NXPH2: variants seen among roughly 807,000 people sequenced by gnomAD.
NXPH2 encodes neurexophilin-2.
Under a neutral mutation model 19.8 loss-of-function variants are expected in NXPH2, and 5 were observed. The ratio of observed to expected loss-of-function variants is 0.25; its 90% CI spans 0.13 to 0.53. The LOEUF (loss-of-function observed/expected upper bound fraction) is 0.53, where lower values mean the gene tolerates loss of function less well. Among genes scored for constraint, NXPH2 ranks in the 20% least tolerant of loss-of-function variants. NXPH2 has a pLI of 0.96. For synonymous variants in NXPH2, 154 were observed against 127.4 expected (o/e 1.21, Z -1.41); for missense variants, 289 against 322.8 (o/e 0.90, Z 0.80).
At chr2:138,727,681 T>C (rs1452479032) in intron 1 of NXPH2, among the ~76,000 whole-genome samples, 1 of 143,600 alleles carries the variant, frequency 7.0e-6, no homozygotes, top group East Asian at 2.3e-4. Context: ...CGGGGGGGGT[T>C]CTTTTGCAAA....
chr2:138,750,593 A>G (rs892597142), intron 1 of NXPH2, among the ~76,000 whole-genome samples: 17 of 152,234 alleles, frequency 1.1e-4, no homozygotes, highest in African/African-American at 3.9e-4. Context: ...GTGCTGCTAC[A>G]GCCCAGGAAC....
At chr2:138,743,268 G>T (rs1681673320) in intron 1 of NXPH2, among the ~76,000 whole-genome samples, 1 of 149,916 alleles carries the variant, frequency 6.7e-6, no homozygotes, top group Admixed American at 6.7e-5. Flanking sequence ...TAAAAAAAAA[G>T]ACTGAAATTA....
intron 1 of NXPH2, among the ~76,000 whole-genome samples, chr2:138,698,954 G>A (rs1043579284): frequency 3.9e-5 from 6 of 152,126 alleles, no homozygotes; most frequent in Admixed American, 3.3e-4. Context: ...TTTGATGCCC[G>A]GAGAGTAAAT....
At chr2:138,674,136 C>G (rs1310506242) in intron 1 of NXPH2, among the ~76,000 whole-genome samples, 1 of 151,846 alleles carries the variant, frequency 6.6e-6, no homozygotes, top group African/African-American at 2.4e-5. Context: ...CACTACCATG[C>G]CTGGCTAATT....
intron 1 of NXPH2, among the ~76,000 whole-genome samples, chr2:138,710,492 T>C (rs1488248528): frequency 6.6e-6 from 1 of 152,164 alleles, no homozygotes; most frequent in African/African-American, 2.4e-5. Context: ...CCAAACTTTT[T>C]TTCAGCAACT....
At chr2:138,727,823 A>T (rs1275200449) in intron 1 of NXPH2, among the ~76,000 whole-genome samples, 1 of 152,150 alleles carries the variant, frequency 6.6e-6, no homozygotes, top group Non-Finnish European at 1.5e-5. Flanking sequence ...ATATGAGCCC[A>T]CTTTATTAAC....
intron 1 of NXPH2, among the ~76,000 whole-genome samples, chr2:138,774,931 A>T (rs554433831): frequency 6.6e-6 from 1 of 152,354 alleles, no homozygotes; most frequent in African/African-American, 2.4e-5. Context: ...GAATGTGATA[A>T]TTGTGTGAAA....
At chr2:138,680,117 A>C (rs1027284908) in intron 1 of NXPH2, among the ~76,000 whole-genome samples, 9 of 152,186 alleles carry the variant, frequency 5.9e-5, no homozygotes, top group African/African-American at 2.2e-4. Context: ...AAGTGCTTTG[A>C]TTTATTAGAA....
At chr2:138,671,997 A>T (rs1165002108) in intron 1 of NXPH2, among the ~76,000 whole-genome samples, 1 of 152,212 alleles carries the variant, frequency 6.6e-6, no homozygotes, top group Non-Finnish European at 1.5e-5. Flanking sequence ...CTCATTTGAT[A>T]TAATCATTAA....
intron 1 of NXPH2, among the ~76,000 whole-genome samples, chr2:138,677,162 T>C (rs1243401416): frequency 1.3e-5 from 2 of 152,224 alleles, no homozygotes; most frequent in African/African-American, 4.8e-5. Context: ...AACACGTAGC[T>C]GTATATTCCT....
At chr2:138,702,984 T>C (rs931502414) in intron 1 of NXPH2, among the ~76,000 whole-genome samples, 1 of 152,186 alleles carries the variant, frequency 6.6e-6, no homozygotes, top group Admixed American at 6.5e-5. Context: ...TATTGACAAA[T>C]TAATTTGGAA....
At chr2:138,673,368 C>CT (rs1345196096) in intron 1 of NXPH2, among the ~76,000 whole-genome samples, 2 of 152,062 alleles carry the variant, frequency 1.3e-5, no homozygotes. Flanking sequence ...ATTTTGCACA[C>CT]TTTTTTCTCT....
Position 138,690,729 on chromosome 2 carries a change from C to A in NXPH2, c.52-19064G>T, listed in dbSNP as rs560468811. Among the ~76,000 whole-genome samples the A allele has an allele frequency of 3.9e-5, 6 of 152,300 alleles. No homozygotes were observed. In the East Asian group the frequency reaches 7.7e-4, roughly 20 times the overall value. ...CCATTTCACACATACTTGGGGGACA[C>A]CCCCATATTTCAGGCACTACGTTGG... On this transcript the variant is annotated intron_variant, in intron 1 of 1. Transcript: ENST00000272641.
chr2:138,693,302 C>T (rs1179299524), intron 1 of NXPH2, among the ~76,000 whole-genome samples: 2 of 152,182 alleles, frequency 1.3e-5, no homozygotes, highest in Non-Finnish European at 2.9e-5. Context: ...GAGAGTCCCT[C>T]CATCACCTGC....
intron 1 of NXPH2, among the ~76,000 whole-genome samples, chr2:138,673,670 G>T (rs1206336624): frequency 6.6e-6 from 1 of 150,512 alleles, no homozygotes; most frequent in African/African-American, 2.4e-5. Flanking sequence ...GTAGAGATGG[G>T]GTCTCAGTTT....
At chr2:138,745,486 T>G (rs1681711006) in intron 1 of NXPH2, among the ~76,000 whole-genome samples, 1 of 49,270 alleles carries the variant, frequency 2.0e-5, no homozygotes. Flanking sequence ...TTTTCTTCTT[T>G]TTTTGGCGGG....
intron 1 of NXPH2, among the ~76,000 whole-genome samples, chr2:138,681,164 T>C (rs1209842033): frequency 6.6e-6 from 1 of 152,092 alleles, no homozygotes; most frequent in Non-Finnish European, 1.5e-5. Flanking sequence ...TAATATGTAT[T>C]AGTGCTACTT....
intron 1 of NXPH2, among the ~76,000 whole-genome samples, chr2:138,703,357 A>G (rs1680960675): frequency 6.6e-6 from 1 of 152,184 alleles, no homozygotes; most frequent in Non-Finnish European, 1.5e-5. Flanking sequence ...CAGCATCAGT[A>G]CCAATTTCAA....
At chr2:138,709,829 T>C (rs530114302) in intron 1 of NXPH2, among the ~76,000 whole-genome samples, 1 of 152,344 alleles carries the variant, frequency 6.6e-6, no homozygotes, top group South Asian at 2.1e-4. Context: ...TTTCTCCATG[T>C]CTTTTCATGG....
Sources: gnomAD v4.1 joint callset for allele counts (sites outside exome capture counted in the v4.1 genomes callset) on GRCh38, gnomAD v4.1.1 for gene constraint, MANE v1.5 for transcripts, NCBI Gene and HGNC (gene_info 2026-07-23, HGNC 2026-07-21) for gene names.